The following C6orf89 variants were observed in gnomAD, a reference collection of about 807,000 sequenced individuals.
C6orf89 encodes the protein bombesin receptor-activated protein C6orf89.
Under a neutral mutation model 40.7 loss-of-function variants are expected in C6orf89, and 29 were observed. The ratio of observed to expected loss-of-function variants is 0.71; its 90% CI spans 0.53 to 0.97. The LOEUF is 0.97. Ranked by LOEUF, C6orf89 falls within the 50% of genes least tolerant of loss-of-function variation. The pLI is 0.00. For missense variants in C6orf89, 392 were observed against 429.1 expected (o/e 0.91, Z 0.76); for synonymous variants, 165 against 152.2 (o/e 1.08, Z -0.62).
chr6:36,908,733 C>T lies in C6orf89; in HGVS notation c.404-5551C>T, dbSNP rs181424202. Among the ~76,000 whole-genome samples the T allele has an allele frequency of 2.6e-5, 4 of 152,284 alleles. No individual in the cohort carries two copies. The East Asian group carries it at 7.7e-4, about 29-fold the overall frequency. ...GCTTAAAACAACAGAAATCCAGTACCTCACAGTTGTGGAGTCTAGAAGTCA... is the reference window on the plus strand; with the variant it reads ...GCTTAAAACAACAGAAATCCAGTACTTCACAGTTGTGGAGTCTAGAAGTCA... On this transcript the variant is annotated intron_variant, in intron 4 of 8. Transcript: ENST00000480824.
At chr6:36,922,491 G>A (rs753794037) in intron 8 of C6orf89, among the ~76,000 whole-genome samples, 4 of 152,170 alleles carry the variant, frequency 2.6e-5, no homozygotes, top group Non-Finnish European at 5.9e-5. Flanking sequence ...TTTCCTAAAC[G>A]ATTCTTCAGA....
chr6:36,914,103 G>C lies in C6orf89; in HGVS notation c.404-181G>C, dbSNP rs193156325. On this transcript the variant is annotated intron_variant, in intron 4 of 8. Transcript: ENST00000480824. ...TTGAACCCAGGAGGCAGGGGTTACA[G>C]TGAGCTGGACGGCACCACTGCACTC... is the stretch of plus-strand genomic sequence containing the variant. Among the ~76,000 whole-genome samples the C allele has an allele frequency of 5.4e-3, 819 of 152,330 alleles. 6 individuals carry two copies. Among genetic ancestry groups the C allele is most frequent in the Non-Finnish European group, 7.9e-3 (537 of 68,022 alleles).
intron 4 of C6orf89, among the ~76,000 whole-genome samples, chr6:36,911,936 C>CT (rs1240836504): frequency 1.4e-5 from 2 of 141,086 alleles, no homozygotes; most frequent in Non-Finnish European, 3.2e-5. Flanking sequence ...GTGAACCCCC[C>CT]CCCCCCGACC....
At chr6:36,901,815 C>T (rs1381534051) in intron 3 of C6orf89, among the ~76,000 whole-genome samples, 2 of 151,758 alleles carry the variant, frequency 1.3e-5, no homozygotes, top group Admixed American at 6.6e-5. Context: ...GGACTACAGG[C>T]GCCCACCATC....
rs139036618 is a variant in C6orf89, at chr6:36,913,458, G to A, written c.404-826G>A. 3.0e-3 allele frequency among the ~76,000 whole-genome samples: 450 copies of A among 152,246 alleles called. 1 individual carries two copies. The highest frequency in any genetic ancestry group is 0.01 in the African/African-American group (428 of 41,552). Reference sequence around the variant, plus strand: ...TGTCCTTTTCTCACTCTTCCTTCCCGGAGTCCTGGCTCCCATGTGTACTTG... The same window carrying A: ...TGTCCTTTTCTCACTCTTCCTTCCCAGAGTCCTGGCTCCCATGTGTACTTG... On this transcript the variant is annotated intron_variant, in intron 4 of 8. Coordinates refer to ENST00000480824, the MANE Select transcript of C6orf89 (RefSeq NM_001286635.2).
intron 2 of C6orf89, among the ~76,000 whole-genome samples, chr6:36,895,789 T>C (rs543863911): frequency 5.4e-4 from 82 of 152,370 alleles, no homozygotes; most frequent in Non-Finnish European, 1.1e-3. Flanking sequence ...GGGGCTGTTA[T>C]GAATAATGTT....
Position 36,893,939 on chromosome 6 carries a change from G to A in C6orf89, c.-119-565G>A, listed in dbSNP as rs148875407. Among the ~76,000 whole-genome samples, 879 of 150,914 alleles carry A rather than the reference G, an allele frequency of 5.8e-3. 7 individuals are homozygous for A. The highest frequency in any genetic ancestry group is 0.019 in the African/African-American group (792 of 40,982). The stretch of plus-strand genomic sequence containing the variant: ...CTCAGGAGGCTGAGGCATGAGAATC[G>A]CTTGAACCCGGGAGGCGGAGCTTTC... On this transcript the variant is annotated intron_variant, in intron 1 of 8. Coordinates refer to ENST00000480824, the MANE Select transcript of C6orf89 (RefSeq NM_001286635.2).
chr6:36,881,053 G>A (rs1243589499), upstream of C6orf89, among the ~76,000 whole-genome samples: 2 of 152,200 alleles, frequency 1.3e-5, no homozygotes, highest in Non-Finnish European at 2.9e-5. Flanking sequence ...TGGGACACCT[G>A]TAGTTAGATG....
intron 4 of C6orf89, 37 bp from the exon 5 acceptor site, chr6:36,914,247 T>G (rs1762231990): frequency 6.3e-7 from 1 of 1,576,754 alleles, no homozygotes; most frequent in Non-Finnish European, 8.6e-7. Flanking sequence ...CTATGCTCTT[T>G]CAGTATCTGT....
Position 36,885,952 on chromosome 6 carries a change from A to G in C6orf89, c.-196A>G, listed in dbSNP as rs1774961813. ...GCTTCCGGGTCGCGCTCCCGGAAACAGGAAGTTGCCCATCCTCCTCGCCCG... is the reference window on the plus strand; with the variant it reads ...GCTTCCGGGTCGCGCTCCCGGAAACGGGAAGTTGCCCATCCTCCTCGCCCG... On this transcript the variant is annotated 5_prime_UTR_variant, in exon 1 of 9. Transcript: ENST00000480824. The G allele has an allele frequency of 3.2e-6, 4 of 1,258,270 alleles. No individual in the cohort carries two copies. Among genetic ancestry groups the G allele is most frequent in the Admixed American group, 4.1e-5 (1 of 24,580 alleles). The allele number at this position is 1,258,270 out of a possible 1,614,324, so 77.9% of individuals were successfully genotyped here. A position where few individuals can be genotyped will look rare whatever the true frequency, so the allele number is the denominator to read the frequency against.
At chr6:36,885,896 G>C, upstream of C6orf89, 1 of 653,238 alleles carries the variant, frequency 1.5e-6, no homozygotes. Context: ...ATTACTCTAG[G>C]GTACAAGGCC....
At chr6:36,912,765 G>A (rs1247155829) in intron 4 of C6orf89, among the ~76,000 whole-genome samples, 4 of 152,196 alleles carry the variant, frequency 2.6e-5, no homozygotes, top group Non-Finnish European at 5.9e-5. Context: ...TCAAGAGATG[G>A]AGGATGCTCA....
chr6:36,876,200 G>C (rs1258336659), intron 1 of C6orf89, among the ~76,000 whole-genome samples: 1 of 151,884 alleles, frequency 6.6e-6, no homozygotes, highest in Non-Finnish European at 1.5e-5. Flanking sequence ...TGTATCTCGG[G>C]AGTCATGTGC....
intron 1 of C6orf89, among the ~76,000 whole-genome samples, chr6:36,876,088 C>T (rs914344501): frequency 2.0e-5 from 3 of 152,226 alleles, no homozygotes; most frequent in East Asian, 3.8e-4. Context: ...CAAGTTCATG[C>T]CCACCTTGTG....
At chr6:36,916,012 C>G (rs566192624) in intron 6 of C6orf89, among the ~76,000 whole-genome samples, 1 of 152,244 alleles carries the variant, frequency 6.6e-6, no homozygotes, top group African/African-American at 2.4e-5. Context: ...TGCTAGAGTG[C>G]CCAGTTGAAC....
At chr6:36,918,988 C>T (rs533756847) in intron 7 of C6orf89, among the ~76,000 whole-genome samples, 3 of 152,338 alleles carry the variant, frequency 2.0e-5, no homozygotes, top group South Asian at 4.1e-4. Flanking sequence ...CATATCTGCT[C>T]CCCTGGGTCT....
chr6:36,914,731 T>G, intron 6 of C6orf89, 38 bp downstream of exon 6: 1 of 1,602,354 alleles, frequency 6.2e-7, no homozygotes. Flanking sequence ...GGCTCATGCC[T>G]GTGATCCCAG....
At chr6:36,908,220 A>G (rs2150702479) in intron 4 of C6orf89, among the ~76,000 whole-genome samples, 1 of 152,222 alleles carries the variant, frequency 6.6e-6, no homozygotes, top group African/African-American at 2.4e-5. Flanking sequence ...AGGCTACCCC[A>G]TTCCAGTGAT....
chr6:36,889,968 A>T (rs1761131687), intron 1 of C6orf89, among the ~76,000 whole-genome samples: 1 of 152,332 alleles, frequency 6.6e-6, no homozygotes, highest in African/African-American at 2.4e-5. Flanking sequence ...TAAATGAAGG[A>T]TATCCAGGTG....
Sources: allele counts gnomAD v4.1 joint callset (sites outside exome capture counted in the v4.1 genomes callset), GRCh38; gene constraint gnomAD v4.1.1; transcripts MANE v1.5; gene names NCBI Gene and HGNC (gene_info 2026-07-23, HGNC 2026-07-21).